SLC23A2: variants seen among roughly 807,000 people sequenced by gnomAD.
SLC23A2 encodes Na(+)/L-ascorbic acid transporter 2.
Under a neutral mutation model 73.3 loss-of-function variants are expected in SLC23A2, and 36 were observed. The observed-to-expected ratio is 0.49, with a 90% confidence interval of 0.38 to 0.65. SLC23A2 has a LOEUF of 0.65. Ranked by LOEUF, SLC23A2 falls within the 30% of genes least tolerant of loss-of-function variation. The pLI, the probability that SLC23A2 is intolerant of heterozygous loss-of-function variation, is 0.00. For missense variants in SLC23A2, 507 were observed against 841.6 expected, an observed-to-expected ratio of 0.60 and a Z score of 4.92; for synonymous variants, 343 against 327.3, an observed-to-expected ratio of 1.05 and a Z score of -0.52.
intron 2 of SLC23A2, among the ~76,000 whole-genome samples, chr20:4,940,284 C>T (rs146705050): frequency 1.5e-3 from 225 of 152,240 alleles, no homozygotes; most frequent in African/African-American, 5.2e-3. Context: ...CGCTTCACTA[C>T]AGCCTGGGTG....
chr20:4,958,077 A>C (rs911738444), intron 2 of SLC23A2, among the ~76,000 whole-genome samples: 1 of 152,156 alleles, frequency 6.6e-6, no homozygotes, highest in Admixed American at 6.6e-5. Flanking sequence ...TCTCAAAGCA[A>C]ATCCACTGTG....
intron 4 of SLC23A2, among the ~76,000 whole-genome samples, chr20:4,909,062 C>T (rs780574124): frequency 1.8e-4 from 28 of 152,078 alleles, no homozygotes; most frequent in Non-Finnish European, 3.7e-4. Flanking sequence ...TAATAATATG[C>T]CTACAAGAAG....
At chr20:4,916,741 G>A (rs1187218535) in intron 3 of SLC23A2, among the ~76,000 whole-genome samples, 4 of 152,108 alleles carry the variant, frequency 2.6e-5, no homozygotes, top group African/African-American at 7.2e-5. Context: ...TATGTATTCC[G>A]TAGAAACTGT....
intron 11 of SLC23A2, among the ~76,000 whole-genome samples, chr20:4,870,262 T>C (rs548005289): frequency 1.3e-5 from 2 of 152,302 alleles, no homozygotes; most frequent in South Asian, 4.1e-4. Flanking sequence ...TGAGGACTGA[T>C]GTGCACTGTG....
intron 2 of SLC23A2, among the ~76,000 whole-genome samples, chr20:4,939,006 C>A (rs2087002315): frequency 6.6e-6 from 1 of 152,050 alleles, no homozygotes; most frequent in African/African-American, 2.4e-5. Flanking sequence ...CTTTGGGAGA[C>A]CCAGGCAGAA....
chr20:4,880,357 C>T (rs891793100), intron 9 of SLC23A2, among the ~76,000 whole-genome samples: 6 of 152,124 alleles, frequency 3.9e-5, no homozygotes, highest in Admixed American at 3.3e-4. Flanking sequence ...GTTTACCGGG[C>T]TTCCTGAGCC....
intron 2 of SLC23A2, among the ~76,000 whole-genome samples, chr20:4,949,079 A>G (rs1193966341): frequency 6.6e-6 from 1 of 152,040 alleles, no homozygotes; most frequent in African/African-American, 2.4e-5. Context: ...TGAGGTCAGG[A>G]GTTTGAGACC....
chr20:4,991,092 G>A (rs184883976), intron 1 of SLC23A2, among the ~76,000 whole-genome samples: 2 of 151,724 alleles, frequency 1.3e-5, no homozygotes, highest in East Asian at 3.9e-4. Flanking sequence ...GGAGATAATC[G>A]CATTCTAAAT....
At chr20:4,999,215 T>C (rs1220512442) in intron 1 of SLC23A2, among the ~76,000 whole-genome samples, 1 of 152,196 alleles carries the variant, frequency 6.6e-6, no homozygotes, top group Non-Finnish European at 1.5e-5. Context: ...TTAGAGACAC[T>C]GAAGAGGACA....
chr20:4,993,985 G>A (rs1313141111), intron 1 of SLC23A2, among the ~76,000 whole-genome samples: 2 of 152,142 alleles, frequency 1.3e-5, no homozygotes, highest in South Asian at 2.1e-4. Flanking sequence ...AGCTACTCAA[G>A]AGGCTGAAGT....
chr20:4,989,686 T>A (rs933438699), intron 1 of SLC23A2, among the ~76,000 whole-genome samples: 5 of 151,450 alleles, frequency 3.3e-5, no homozygotes, highest in African/African-American at 9.7e-5. Context: ...AAAAAAAAAA[T>A]TTGCATATGA....
rs184896159 is a variant in SLC23A2, at chr20:4,936,778, G to A, written c.-154-4062C>T. Among the ~76,000 whole-genome samples, 124 of 152,202 alleles carry A rather than the reference G, an allele frequency of 8.1e-4. 1 individual carries two copies. Among genetic ancestry groups the A allele is most frequent in the African/African-American group, 2.9e-3 (121 of 41,524 alleles). Reference sequence around the variant, plus strand: ...TAACTGTGCTCCATTTCTCCACCACGCATTTAATTTAACCTCATAAGCTAC... The same window carrying A: ...TAACTGTGCTCCATTTCTCCACCACACATTTAATTTAACCTCATAAGCTAC... On this transcript the variant is annotated intron_variant, in intron 2 of 16. Coordinates refer to ENST00000338244, the MANE Select transcript of SLC23A2 (RefSeq NM_005116.6).
At chr20:4,929,547 G>A (rs2091540584) in intron 3 of SLC23A2, among the ~76,000 whole-genome samples, 1 of 150,964 alleles carries the variant, frequency 6.6e-6, no homozygotes, top group African/African-American at 2.5e-5. Context: ...AGAAAGAGAT[G>A]AAATTCCTGG....
At chr20:4,926,354 T>A (rs977130118) in intron 3 of SLC23A2, among the ~76,000 whole-genome samples, 4 of 152,204 alleles carry the variant, frequency 2.6e-5, no homozygotes, top group Non-Finnish European at 4.4e-5. Flanking sequence ...CAGCCGTGCC[T>A]GTGCCAACAG....
Position 4,863,034 on chromosome 20 carries a change from A to G in SLC23A2, c.1357-127T>C. On this transcript the variant is annotated intron_variant, in intron 13 of 16. Coordinates refer to ENST00000338244, the MANE Select transcript of SLC23A2 (RefSeq NM_005116.6). This position sits in a 1 kb window ranked among gnomAD's most constrained non-coding sequence, Gnocchi z 4.8. ...GCTACCTTCACCTCCTCCTCAGCCCACTCTTCTCACCTCCACTGTGGGGAC... is the reference window on the plus strand; with the variant it reads ...GCTACCTTCACCTCCTCCTCAGCCCGCTCTTCTCACCTCCACTGTGGGGAC... 1.2e-6 allele frequency: 1 copy of G among 858,556 alleles called. No homozygotes were observed. The highest frequency in any genetic ancestry group is 1.8e-6 in the Non-Finnish European group (1 of 567,204). The allele number at this position is 858,556 out of a possible 1,614,324, so 53.2% of individuals were successfully genotyped here. A position where few individuals can be genotyped will look rare whatever the true frequency, so the allele number is the denominator to read the frequency against.
rs574996577 is a variant in SLC23A2 at position 4,884,448 on chromosome 20, G to A, written c.642+305C>T. Among the ~76,000 whole-genome samples, 3 of 152,344 alleles carry A rather than the reference G, an allele frequency of 2.0e-5. No individual in the cohort carries two copies. The South Asian group carries it at 6.2e-4, about 32-fold the overall frequency. On this transcript the variant is annotated intron_variant, in intron 8 of 16. Transcript: ENST00000338244. ...AACAATTCTGCTATCTGTCGATGAT[G>A]AGCCTCTGTAGCTCCATCCAGTGAG...
rs1039763874 is a variant in SLC23A2, at chr20:4,998,281, T to A, written c.-282+3125A>T. Among the ~76,000 whole-genome samples, 2 of 152,124 alleles carry A rather than the reference T, an allele frequency of 1.3e-5. No individual in the cohort carries two copies. The highest frequency in any genetic ancestry group is 2.9e-5 in the Non-Finnish European group (2 of 68,028). On this transcript the variant is annotated intron_variant, in intron 1 of 16. Coordinates refer to ENST00000338244, the MANE Select transcript of SLC23A2 (RefSeq NM_005116.6). The surrounding 1 kb of genome is among the most constrained non-coding windows in gnomAD (Gnocchi z 4.1). ...GCTCCATGTGGGCTGGGAATCTCCCTGCAGCATCCCAAGCACCAAGAATAT... is the reference window on the plus strand; with the variant it reads ...GCTCCATGTGGGCTGGGAATCTCCCAGCAGCATCCCAAGCACCAAGAATAT...
intron 2 of SLC23A2, among the ~76,000 whole-genome samples, chr20:4,970,067 G>A (rs1359070828): frequency 6.6e-6 from 1 of 152,032 alleles, no homozygotes; most frequent in Admixed American, 6.6e-5. Context: ...AAGGGGTGAG[G>A]AAACAATTCT....
intron 11 of SLC23A2, among the ~76,000 whole-genome samples, chr20:4,870,525 C>A (rs959564188): frequency 6.6e-6 from 1 of 151,578 alleles, no homozygotes; most frequent in African/African-American, 2.4e-5. Flanking sequence ...TGCAGTGAGC[C>A]AAGACTGCGC....
Sources: allele counts gnomAD v4.1 joint callset (sites outside exome capture counted in the v4.1 genomes callset), GRCh38; gene constraint gnomAD v4.1.1; non-coding constraint Gnocchi (gnomAD v3.1); transcripts MANE v1.5; gene names NCBI Gene and HGNC (gene_info 2026-07-23, HGNC 2026-07-21).